The following LINGO2 variants were observed in gnomAD, a reference collection of about 807,000 sequenced individuals.
LINGO2 encodes leucine rich repeat and Ig domain containing 2.
Under a neutral mutation model 30.6 loss-of-function variants are expected in LINGO2, and 14 were observed. The observed-to-expected ratio is 0.46, with a 90% confidence interval of 0.30 to 0.72. The LOEUF is 0.72. Ranked by LOEUF, LINGO2 falls within the 30% of genes least tolerant of loss-of-function variation. LINGO2 has a pLI of 0.07. For synonymous variants in LINGO2, 317 were observed against 288.5 expected (o/e 1.10, Z -1.00); for missense variants, 729 against 751.7 (o/e 0.97, Z 0.35).
At chr9:29,191,487 A>G in the LINGO2 span, among the ~76,000 whole-genome samples, 1 of 151,914 alleles carries the variant, frequency 6.6e-6, no homozygotes, top group Non-Finnish European at 1.5e-5. Context: ...TTTTGGCGGC[A>G]ATGATTTTAA....
intron 3 of LINGO2, among the ~76,000 whole-genome samples, chr9:28,355,067 C>A (rs1213426186): frequency 6.6e-6 from 1 of 152,076 alleles, no homozygotes; most frequent in Admixed American, 6.6e-5. Flanking sequence ...AAAACTAAGT[C>A]TAATAGGAAG....
chr9:28,027,706 C>A (rs1048554305), intron 4 of LINGO2, among the ~76,000 whole-genome samples: 11 of 152,034 alleles, frequency 7.2e-5, no homozygotes, highest in Non-Finnish European at 1.0e-4. Context: ...GGATTAAATG[C>A]GAGGTGGTAT....
intron 1 of LINGO2, among the ~76,000 whole-genome samples, chr9:28,558,916 T>C (rs866515293): frequency 1.3e-5 from 2 of 152,080 alleles, no homozygotes; most frequent in African/African-American, 2.4e-5. Flanking sequence ...TATTTGATGA[T>C]GATTTGAATA....
At chr9:28,911,377 C>G in the LINGO2 span, among the ~76,000 whole-genome samples, 4 of 151,854 alleles carry the variant, frequency 2.6e-5, no homozygotes, top group African/African-American at 9.7e-5. Context: ...GTTTGACATT[C>G]CTTGATATAT....
chr9:28,309,423 G>A (rs1171433083), intron 3 of LINGO2, among the ~76,000 whole-genome samples: 1 of 150,864 alleles, frequency 6.6e-6, no homozygotes, highest in Non-Finnish European at 1.5e-5. Flanking sequence ...CACACTCTGG[G>A]GACTGTTGTG....
At chr9:28,215,022 T>A (rs1820715988) in intron 4 of LINGO2, among the ~76,000 whole-genome samples, 1 of 151,680 alleles carries the variant, frequency 6.6e-6, no homozygotes, top group Non-Finnish European at 1.5e-5. Flanking sequence ...AGTGAAGAGA[T>A]CCTCTTTCTT....
At chr9:27,948,458 T>C (rs1326639471) in exon 6 of LINGO2, 1 of 171,966 alleles carries the variant, frequency 5.8e-6, no homozygotes, top group African/African-American at 2.4e-5. Context: ...CTGTAGAGTA[T>C]GTTTTAGACA....
chr9:28,799,417 G>T, the LINGO2 span, among the ~76,000 whole-genome samples: 1 of 152,128 alleles, frequency 6.6e-6, no homozygotes, highest in Admixed American at 6.6e-5. Context: ...TGAGGAGGAT[G>T]CATGGGAGGC....
At chr9:28,741,821 C>G in the LINGO2 span, among the ~76,000 whole-genome samples, 78 of 151,730 alleles carry the variant, frequency 5.1e-4, no homozygotes, top group African/African-American at 1.7e-3. Flanking sequence ...ATGAGTAGGG[C>G]TGCAGGAGCT....
intron 1 of LINGO2, among the ~76,000 whole-genome samples, chr9:28,563,842 C>A (rs913538812): frequency 6.6e-6 from 1 of 152,094 alleles, no homozygotes. Flanking sequence ...TAAACCACCT[C>A]CTGAGTTGTT....
At chr9:28,483,349 A>C (rs1412179712) in intron 1 of LINGO2, among the ~76,000 whole-genome samples, 1 of 152,092 alleles carries the variant, frequency 6.6e-6, no homozygotes, top group Non-Finnish European at 1.5e-5. Context: ...TCCAGTATAA[A>C]TAAAGAACCT....
intron 1 of LINGO2, among the ~76,000 whole-genome samples, chr9:28,542,459 T>C (rs547056183): frequency 1.4e-4 from 22 of 152,162 alleles, no homozygotes; most frequent in Non-Finnish European, 2.6e-4. Flanking sequence ...TTAATGATTA[T>C]TGTAGTGAAT....
At chr9:28,854,230 CT>C in the LINGO2 span, among the ~76,000 whole-genome samples, 6 of 151,886 alleles carry the variant, frequency 4.0e-5, no homozygotes, top group Non-Finnish European at 8.8e-5. Context: ...TAAGCTAACT[CT>C]TCATAAAATG....
chr9:28,184,078 G>A (rs1051309638), intron 4 of LINGO2, among the ~76,000 whole-genome samples: 1 of 152,074 alleles, frequency 6.6e-6, no homozygotes, highest in Non-Finnish European at 1.5e-5. Flanking sequence ...CTTGTTGCTG[G>A]ATTAAAGAAA....
chr9:28,037,819 C>A (rs1824010030), intron 4 of LINGO2, among the ~76,000 whole-genome samples: 1 of 152,182 alleles, frequency 6.6e-6, no homozygotes, highest in African/African-American at 2.4e-5. Flanking sequence ...TAAGACACAA[C>A]CTCTTAAAAC....
chr9:28,706,114 G>C, the LINGO2 span, among the ~76,000 whole-genome samples: 1 of 152,058 alleles, frequency 6.6e-6, no homozygotes, highest in Non-Finnish European at 1.5e-5. Flanking sequence ...ACGCTAGGAA[G>C]CATTCATATA....
intron 2 of LINGO2, among the ~76,000 whole-genome samples, chr9:28,391,605 G>A (rs929593621): frequency 8.4e-5 from 1 of 11,884 alleles, no homozygotes; most frequent in African/African-American, 3.7e-4. Flanking sequence ...TTATGTTTGC[G>A]TGTGTGTGTG....
the LINGO2 span, among the ~76,000 whole-genome samples, chr9:28,709,284 T>C: frequency 1.6e-4 from 25 of 152,130 alleles, no homozygotes; most frequent in Non-Finnish European, 3.5e-4. Context: ...TGGACATTCC[T>C]AATTGCTAAT....
chr9:28,175,371 G>A (rs1415248956), intron 4 of LINGO2, among the ~76,000 whole-genome samples: 1 of 152,056 alleles, frequency 6.6e-6, no homozygotes. Context: ...GAGAAGACCA[G>A]CCCCTCTTTC....
Sources: gnomAD v4.1 joint callset for allele counts (sites outside exome capture counted in the v4.1 genomes callset) on GRCh38, gnomAD v4.1.1 for gene constraint, MANE v1.5 for transcripts, NCBI Gene and HGNC (gene_info 2026-07-23, HGNC 2026-07-21) for gene names.